Variants in MAGI2 observed in about 807,000 individuals in gnomAD.
MAGI2 encodes the protein membrane-associated guanylate kinase, WW and PDZ domain-containing protein 2.
A neutral mutation model predicts 133.3 loss-of-function variants in MAGI2; 35 were observed. The observed-to-expected ratio is 0.26, with a 90% CI of 0.20 to 0.35. MAGI2 has a LOEUF of 0.35. Among genes scored for constraint, MAGI2 ranks in the 10% least tolerant of loss-of-function variants. The pLI, the probability that MAGI2 is intolerant of heterozygous loss-of-function variation, is 1.00. For missense variants in MAGI2, 1,636 were observed against 1,863.4 expected (o/e 0.88, Z 2.25); for synonymous variants, 729 against 710.6 (o/e 1.03, Z -0.41).
chr7:78,988,713 A>G (rs1805490638), intron 2 of MAGI2, among the ~76,000 whole-genome samples: 1 of 152,110 alleles, frequency 6.6e-6, no homozygotes, highest in Non-Finnish European at 1.5e-5. Flanking sequence ...GAACCTCTAT[A>G]GCCCCATAAT....
chr7:79,239,699 C>T (rs1199323004), intron 1 of MAGI2, among the ~76,000 whole-genome samples: 4 of 152,178 alleles, frequency 2.6e-5, no homozygotes, highest in Non-Finnish European at 5.9e-5. Context: ...CAACCACAGA[C>T]AAGTTCAGCA....
chr7:79,159,591 C>T (rs1341218325), intron 1 of MAGI2, among the ~76,000 whole-genome samples: 1 of 150,074 alleles, frequency 6.7e-6, no homozygotes, highest in Non-Finnish European at 1.5e-5. Context: ...ATTAAAAATA[C>T]ACACTAATAC....
chr7:79,138,850 A>C (rs1017795606), intron 1 of MAGI2, among the ~76,000 whole-genome samples: 2 of 151,856 alleles, frequency 1.3e-5, no homozygotes, highest in Non-Finnish European at 2.9e-5. Context: ...CTAAAAATAC[A>C]AAAAAATTAG....
intron 20 of MAGI2, among the ~76,000 whole-genome samples, chr7:78,100,573 A>G (rs1818121863): frequency 6.6e-6 from 1 of 151,690 alleles, no homozygotes; most frequent in African/African-American, 2.4e-5. Context: ...GCTGGTCTCA[A>G]ACTCCTGGGC....
Position 78,872,211 on chromosome 7 carries a change from AAAAG to A in MAGI2, c.418+134875_418+134878del, listed in dbSNP as rs1795090860. On this transcript the variant is annotated intron_variant, in intron 2 of 21. Transcript: ENST00000354212. ...CACAAAATATAAAGATTGAAAAAAA[AAAAG>A]AAAGAATACTACTGACAAATTTACA... Among the ~76,000 whole-genome samples, 5 of 152,060 alleles carry A rather than the reference AAAAG, an allele frequency of 3.3e-5. No homozygotes were observed. In the South Asian group the frequency reaches 1.0e-3, roughly 32 times the overall value.
chr7:79,227,807 A>G (rs1830982136), intron 1 of MAGI2, among the ~76,000 whole-genome samples: 1 of 152,168 alleles, frequency 6.6e-6, no homozygotes, highest in African/African-American at 2.4e-5. Flanking sequence ...GATTGTCTCT[A>G]AACTCAAGAC....
chr7:79,262,727 C>T (rs186746175), intron 1 of MAGI2, among the ~76,000 whole-genome samples: 40 of 152,268 alleles, frequency 2.6e-4, no homozygotes, highest in African/African-American at 8.4e-4. Context: ...GCATAACTTA[C>T]ACACAACAAA....
In MAGI2 at chr7:78,761,388, G is replaced by A. The variant is rs75295312; in HGVS notation, c.419-134149C>T. 4.7e-3 allele frequency among the ~76,000 whole-genome samples: 721 copies of A among 152,074 alleles called. 6 individuals are homozygous for A. Among genetic ancestry groups the A allele is most frequent in the African/African-American group, 0.016 (672 of 41,494 alleles). On this transcript the variant is annotated intron_variant, in intron 2 of 21. Transcript: ENST00000354212. The stretch of plus-strand genomic sequence containing the variant: ...AAATTGACCATAACTTCATAAAAAG[G>A]TTCTCTGTAATAGTGTTTCCCAAAC...
chr7:79,289,873 T>TA (rs71518915), intron 1 of MAGI2, among the ~76,000 whole-genome samples: 32 of 151,738 alleles, frequency 2.1e-4, no homozygotes, highest in South Asian at 4.2e-4. Context: ...CTTAGAATTG[T>TA]AAAAAAAAAT....
intron 1 of MAGI2, among the ~76,000 whole-genome samples, chr7:79,374,514 C>A (rs969777830): frequency 1.3e-5 from 2 of 151,936 alleles, no homozygotes; most frequent in African/African-American, 4.8e-5. Context: ...GTCTCCAGAG[C>A]TGTGAGAAAA....
At chr7:79,418,698 G>GCTTCTA (rs1846715070) in intron 1 of MAGI2, among the ~76,000 whole-genome samples, 1 of 151,718 alleles carries the variant, frequency 6.6e-6, no homozygotes, top group Non-Finnish European at 1.5e-5. Context: ...TTAACTTTAT[G>GCTTCTA]CTTCTATGTT....
intron 3 of MAGI2, among the ~76,000 whole-genome samples, chr7:78,558,931 G>C (rs1046200050): frequency 6.7e-6 from 1 of 149,902 alleles, no homozygotes; most frequent in African/African-American, 2.5e-5. Context: ...GTCATGTGCA[G>C]GGTGCTATTT....
At chr7:78,266,764 G>C (rs529943001) in intron 9 of MAGI2, among the ~76,000 whole-genome samples, 1 of 151,820 alleles carries the variant, frequency 6.6e-6, no homozygotes, top group African/African-American at 2.4e-5. Context: ...ATTTTTAGTA[G>C]AGACGGGGTT....
Position 78,735,974 on chromosome 7 carries a change from T to G in MAGI2, c.419-108735A>C, listed in dbSNP as rs564436302. ...TTATAAACATAACAATCATTATTGA[T>G]CAAGTACTGTGTACTAAGTGATGTT... On this transcript the variant is annotated intron_variant, in intron 2 of 21. Coordinates refer to ENST00000354212, the MANE Select transcript of MAGI2 (RefSeq NM_012301.4). Among the ~76,000 whole-genome samples the G allele has an allele frequency of 4.6e-5, 7 of 152,318 alleles. No individual in the cohort carries two copies. The South Asian group carries it at 1.4e-3, about 32-fold the overall frequency.
chr7:79,083,818 T>C (rs1247997248), intron 1 of MAGI2, among the ~76,000 whole-genome samples: 1 of 151,538 alleles, frequency 6.6e-6, no homozygotes, highest in East Asian at 1.9e-4. Context: ...TTTTGGGGAG[T>C]TTTGTGATTT....
chr7:78,834,452 A>G (rs139740988), intron 2 of MAGI2, among the ~76,000 whole-genome samples: 2 of 152,166 alleles, frequency 1.3e-5, no homozygotes, highest in African/African-American at 4.8e-5. Flanking sequence ...AAATCATATG[A>G]TATGTGGCTT....
intron 2 of MAGI2, among the ~76,000 whole-genome samples, chr7:78,939,488 G>A (rs1800804193): frequency 6.6e-6 from 1 of 152,162 alleles, no homozygotes; most frequent in South Asian, 2.1e-4. Flanking sequence ...AGGCTACATA[G>A]AAGAAAGAGC....
chr7:79,113,996 G>A (rs917295481), intron 1 of MAGI2, among the ~76,000 whole-genome samples: 1 of 152,062 alleles, frequency 6.6e-6, no homozygotes, highest in African/African-American at 2.4e-5. Context: ...TAATGTTCAG[G>A]TGTTATGTGC....
At chr7:78,117,495 T>C (rs950770842) in intron 20 of MAGI2, among the ~76,000 whole-genome samples, 28 of 152,040 alleles carry the variant, frequency 1.8e-4, no homozygotes, top group African/African-American at 6.8e-4. Flanking sequence ...TAATAAACTC[T>C]CCTAGCAAAC....
Sources: allele counts gnomAD v4.1 joint callset (sites outside exome capture counted in the v4.1 genomes callset), GRCh38; gene constraint gnomAD v4.1.1; transcripts MANE v1.5; gene names NCBI Gene and HGNC (gene_info 2026-07-23, HGNC 2026-07-21).